The following CPXM2 variants were observed in gnomAD, a reference collection of about 807,000 sequenced individuals.
CPXM2 encodes inactive carboxypeptidase-like protein X2.
A neutral mutation model predicts 86.1 loss-of-function variants in CPXM2; 66 were observed. That is an observed-to-expected ratio of 0.77 (90% CI 0.63 to 0.94). The LOEUF is 0.94. Ranked by LOEUF, CPXM2 falls within the 40% of genes least tolerant of loss-of-function variation. CPXM2 has a pLI of 0.00. For missense variants in CPXM2, 948 were observed against 1,026.3 expected, an observed-to-expected ratio of 0.92 and a Z score of 1.04; for synonymous variants, 388 against 400.2, an observed-to-expected ratio of 0.97 and a Z score of 0.36.
At position 123,746,424 on chromosome 10, in the gene CPXM2, A is replaced by C; in HGVS notation, c.*340T>G. 1 of 291,996 alleles carries C rather than the reference A, an allele frequency of 3.4e-6. No individual in the cohort carries two copies. The highest frequency in any genetic ancestry group is 6.4e-6 in the Non-Finnish European group (1 of 157,040). The allele number at this position is 291,996 out of a possible 1,614,324, so 18.1% of individuals were successfully genotyped here. Reference sequence around the variant, plus strand: ...CCCTTGCTGCCACGCAAACAGGGGAAGCACCAGAATCCTTTTCTATGCAGC... The same window carrying C: ...CCCTTGCTGCCACGCAAACAGGGGACGCACCAGAATCCTTTTCTATGCAGC... On this transcript the variant is annotated 3_prime_UTR_variant, in exon 14 of 14. Transcript: ENST00000241305.
intron 3 of CPXM2, among the ~76,000 whole-genome samples, chr10:123,859,295 G>A (rs1038520855): frequency 6.6e-6 from 1 of 152,224 alleles, no homozygotes; most frequent in Non-Finnish European, 1.5e-5. Context: ...TTCTGTGTGG[G>A]GAGATGTATT....
chr10:123,871,787 A>G (rs1944900792), intron 2 of CPXM2, among the ~76,000 whole-genome samples: 2 of 152,240 alleles, frequency 1.3e-5, no homozygotes, highest in Non-Finnish European at 2.9e-5. Context: ...AAGTGAGCCA[A>G]GAAGTGGGAT....
intron 4 of CPXM2, among the ~76,000 whole-genome samples, chr10:123,824,746 C>T (rs192871825): frequency 1.3e-5 from 2 of 152,288 alleles, no homozygotes; most frequent in African/African-American, 2.4e-5. Flanking sequence ...GTTGATAAAT[C>T]CTAACTTCAA....
At chr10:123,903,377 C>G (rs1945402162) in intron 2 of CPXM2, among the ~76,000 whole-genome samples, 1 of 152,246 alleles carries the variant, frequency 6.6e-6, no homozygotes, top group Admixed American at 6.5e-5. Flanking sequence ...TGATTCCTCT[C>G]TGCATCCTCA....
chr10:123,863,413 G>A (rs990892121), intron 2 of CPXM2, among the ~76,000 whole-genome samples: 3 of 152,170 alleles, frequency 2.0e-5, no homozygotes, highest in African/African-American at 7.2e-5. Flanking sequence ...TGAACCGGGG[G>A]TCCCCGCATT....
chr10:123,883,984 T>G (rs1198367246), intron 1 of CPXM2, among the ~76,000 whole-genome samples: 1 of 152,220 alleles, frequency 6.6e-6, no homozygotes, highest in East Asian at 1.9e-4. Context: ...ATTGCCAATG[T>G]GGGCCACATG....
At chr10:123,795,215 T>G (rs773141805) in intron 6 of CPXM2, among the ~76,000 whole-genome samples, 1 of 152,212 alleles carries the variant, frequency 6.6e-6, no homozygotes, top group East Asian at 1.9e-4. Context: ...CTTGCAAAAC[T>G]GACAGTCTGT....
chr10:123,937,465 AAAACAACACACACACACACACAC>A (rs1259591825), intron 2 of CPXM2, among the ~76,000 whole-genome samples: 26 of 139,778 alleles, frequency 1.9e-4, no homozygotes, highest in African/African-American at 6.5e-4. Context: ...ACAAGACAAC[AAAACAACACACACACACACACAC>A]ACACACACAC....
intron 3 of CPXM2, among the ~76,000 whole-genome samples, chr10:123,858,328 A>C (rs1237466283): frequency 6.6e-6 from 1 of 152,262 alleles, no homozygotes; most frequent in Non-Finnish European, 1.5e-5. Context: ...AGGGTGGGGA[A>C]TACCCAGAAA....
intron 7 of CPXM2, among the ~76,000 whole-genome samples, chr10:123,779,495 T>C (rs1321361158): frequency 6.6e-6 from 1 of 152,212 alleles, no homozygotes; most frequent in Non-Finnish European, 1.5e-5. Flanking sequence ...TTCTGAAACC[T>C]GGCTGGACAG....
chr10:123,843,138 G>T, intron 3 of CPXM2: 1 of 302,046 alleles, frequency 3.3e-6, no homozygotes, highest in Non-Finnish European at 6.4e-6. Context: ...TTTTTTCAGA[G>T]ATGGAGTCTT....
intron 2 of CPXM2, among the ~76,000 whole-genome samples, chr10:123,904,488 TTA>T (rs1242747706): frequency 1.7e-4 from 26 of 152,318 alleles, no homozygotes; most frequent in African/African-American, 6.3e-4. Context: ...AGTAAACAGG[TTA>T]ACACATGCAG....
chr10:123,900,051 T>C (rs980835548), intron 2 of CPXM2, among the ~76,000 whole-genome samples: 1 of 151,934 alleles, frequency 6.6e-6, no homozygotes, highest in Non-Finnish European at 1.5e-5. Flanking sequence ...ACAAAAAAAA[T>C]TTTTTTTGGA....
chr10:123,819,921 A>G (rs1023357967), intron 4 of CPXM2, among the ~76,000 whole-genome samples: 4 of 152,108 alleles, frequency 2.6e-5, no homozygotes, highest in Non-Finnish European at 5.9e-5. Context: ...GAAAAGGCAG[A>G]CCCACCCTTA....
chr10:123,797,966 G>C lies in CPXM2; in HGVS notation c.889+10C>G. ...CCCACCCTGCAGGAAGCACAGGAGG[G>C]TGAACTCACCTGGCAGTGGGCAGCC... On this transcript the variant is annotated intron_variant, in intron 6 of 13. Coordinates refer to ENST00000241305, the MANE Select transcript of CPXM2 (RefSeq NM_198148.3). 1 of 1,590,758 alleles carries C rather than the reference G, an allele frequency of 6.3e-7. No homozygotes were observed. Among genetic ancestry groups the C allele is most frequent in the Non-Finnish European group, 8.6e-7 (1 of 1,169,114 alleles).
intron 7 of CPXM2, among the ~76,000 whole-genome samples, chr10:123,772,399 C>A (rs1846662787): frequency 6.6e-6 from 1 of 152,092 alleles, no homozygotes. Flanking sequence ...TCATCACCTG[C>A]CTTGTTCTGG....
chr10:123,754,139 T>A lies in CPXM2; in HGVS notation c.2017+524A>T, dbSNP rs1846142691. Among the ~76,000 whole-genome samples, 1 of 152,202 alleles carries A rather than the reference T, an allele frequency of 6.6e-6. No homozygotes were observed. Among genetic ancestry groups the A allele is most frequent in the African/African-American group, 2.4e-5 (1 of 41,456 alleles). ...TAAGACATCACGCTCAGTGATTTCCTGTGCTTTAATGGAAAAAGTGCATCC... is the reference window on the plus strand; with the variant it reads ...TAAGACATCACGCTCAGTGATTTCCAGTGCTTTAATGGAAAAAGTGCATCC... On this transcript the variant is annotated intron_variant, in intron 13 of 13. Coordinates refer to ENST00000241305, the MANE Select transcript of CPXM2 (RefSeq NM_198148.3). This position sits in a 1 kb window ranked among gnomAD's most constrained non-coding sequence, Gnocchi z 4.0.
intron 4 of CPXM2, among the ~76,000 whole-genome samples, chr10:123,835,347 G>A (rs7070767): frequency 0.04 from 6,141 of 152,142 alleles, 207 homozygotes; most frequent in African/African-American, 0.095. Context: ...AGATTTCCCC[G>A]TCTGAGAGCT....
intron 13 of CPXM2, among the ~76,000 whole-genome samples, chr10:123,753,094 GC>G (rs1460285916): frequency 1.3e-5 from 2 of 152,060 alleles, no homozygotes; most frequent in East Asian, 3.9e-4. Flanking sequence ...TGACGTCTGA[GC>G]AAAGACCTGA....
Sources: gnomAD v4.1 joint callset for allele counts (sites outside exome capture counted in the v4.1 genomes callset) on GRCh38, gnomAD v4.1.1 for gene constraint, Gnocchi (gnomAD v3.1) non-coding constraint, MANE v1.5 for transcripts, NCBI Gene and HGNC (gene_info 2026-07-23, HGNC 2026-07-21) for gene names.